The following NEGR1 variants were observed in gnomAD, a reference collection of about 807,000 sequenced individuals.
The protein encoded by NEGR1 is neuronal growth regulator 1.
Under a neutral mutation model 40.9 loss-of-function variants are expected in NEGR1, and 10 were observed. That is an observed-to-expected ratio of 0.24 (90% CI 0.15 to 0.42). The LOEUF is 0.42. Among genes scored for constraint, NEGR1 ranks in the 10% least tolerant of loss-of-function variants. The pLI, the probability that NEGR1 is intolerant of heterozygous loss-of-function variation, is 1.00. For missense variants in NEGR1, 352 were observed against 438.9 expected, an observed-to-expected ratio of 0.80 and a Z score of 1.77; for synonymous variants, 185 against 166.8, an observed-to-expected ratio of 1.11 and a Z score of -0.84.
At chr1:72,097,295 A>G (rs907133499) in intron 1 of NEGR1, among the ~76,000 whole-genome samples, 2 of 152,176 alleles carry the variant, frequency 1.3e-5, no homozygotes, top group Non-Finnish European at 2.9e-5. Context: ...GTTGTTGTGA[A>G]GATTAGTTGA....
chr1:71,726,587 G>A (rs1200157194), intron 3 of NEGR1, among the ~76,000 whole-genome samples: 3 of 152,038 alleles, frequency 2.0e-5, no homozygotes, highest in Non-Finnish European at 4.4e-5. Flanking sequence ...CTACGTGATT[G>A]TAAAGATAGA....
chr1:71,935,139 T>A lies in NEGR1; in HGVS notation c.349A>T (p.Thr117Ser). 6.2e-7 allele frequency: 1 copy of A among 1,613,844 alleles called. No homozygotes were observed. The highest frequency in any genetic ancestry group is 8.5e-7 in the Non-Finnish European group (1 of 1,179,816). The change falls in exon 2 of 7, where the codon ACG becomes TCG. Residue 117 changes from threonine to serine, a missense_variant. Physicochemically the swap from Thr to Ser is moderately conservative, Grantham distance 58 (BLOSUM62 1). Around this residue, in one of 5 missense-constraint regions of NEGR1, gnomAD observed 30 missense variants for 64.4 expected, o/e 0.47. Transcript: ENST00000357731. Reference protein sequence around the residue: ...NVDVTDDGPYTCSVQTQHTPR... With the variant: ...NVDVTDDGPYSCSVQTQHTPR... ...GTATGTTGAGTCTGAACAGAACACG[T>A]GTATGGGCCATCATCTGTCACATCT...
At chr1:72,139,625 C>T (rs936455494) in intron 1 of NEGR1, among the ~76,000 whole-genome samples, 1 of 151,924 alleles carries the variant, frequency 6.6e-6, no homozygotes, top group African/African-American at 2.4e-5. Flanking sequence ...TAACAAAGCA[C>T]ATACTGTAAA....
intron 2 of NEGR1, among the ~76,000 whole-genome samples, chr1:71,825,449 TTC>T (rs1658584889): frequency 6.6e-6 from 1 of 151,958 alleles, no homozygotes; most frequent in South Asian, 2.1e-4. Context: ...TAAAATATGA[TTC>T]TGATTCACAA....
intron 2 of NEGR1, among the ~76,000 whole-genome samples, chr1:71,805,826 A>G (rs562286682): frequency 3.7e-4 from 56 of 152,336 alleles, no homozygotes; most frequent in Non-Finnish European, 7.3e-4. Flanking sequence ...AGAAAAGCAA[A>G]CAGAAATTAA....
chr1:71,501,946 C>T (rs976130372), intron 6 of NEGR1, among the ~76,000 whole-genome samples: 1 of 151,854 alleles, frequency 6.6e-6, no homozygotes, highest in Non-Finnish European at 1.5e-5. Flanking sequence ...CTTTTTTGTC[C>T]AACTTTCTGA....
chr1:71,995,766 C>T (rs1408992648), intron 1 of NEGR1, among the ~76,000 whole-genome samples: 3 of 152,168 alleles, frequency 2.0e-5, no homozygotes, highest in Non-Finnish European at 2.9e-5. Flanking sequence ...AGGCAATCAA[C>T]ATTTTCTTTC....
intron 2 of NEGR1, among the ~76,000 whole-genome samples, chr1:71,869,314 A>C (rs574092657): frequency 1.3e-3 from 200 of 152,308 alleles, no homozygotes; most frequent in African/African-American, 4.4e-3. Flanking sequence ...AAACTGATAA[A>C]TATAGACAAA....
intron 1 of NEGR1, among the ~76,000 whole-genome samples, chr1:72,042,765 G>A (rs986275858): frequency 3.3e-5 from 5 of 151,956 alleles, no homozygotes; most frequent in Non-Finnish European, 7.4e-5. Flanking sequence ...AGATGTAGTA[G>A]GACACATTAG....
At chr1:72,088,729 G>C (rs1390565397) in intron 1 of NEGR1, among the ~76,000 whole-genome samples, 1 of 148,702 alleles carries the variant, frequency 6.7e-6, no homozygotes, top group Admixed American at 6.7e-5. Flanking sequence ...GATTTTGTTT[G>C]CTTTAAAAAA....
intron 1 of NEGR1, among the ~76,000 whole-genome samples, chr1:72,099,425 T>C (rs533854206): frequency 1.2e-4 from 19 of 152,140 alleles, no homozygotes; most frequent in African/African-American, 4.1e-4. Flanking sequence ...AGCTTCTGAT[T>C]TTTCTTCTTA....
At chr1:71,585,037 G>A (rs1430965044) in intron 6 of NEGR1, among the ~76,000 whole-genome samples, 3 of 151,990 alleles carry the variant, frequency 2.0e-5, no homozygotes, top group African/African-American at 7.2e-5. Flanking sequence ...GTGTAGAGAT[G>A]ACAAAATGAT....
intron 6 of NEGR1, among the ~76,000 whole-genome samples, chr1:71,493,294 T>G (rs1486984230): frequency 6.6e-6 from 1 of 152,120 alleles, no homozygotes; most frequent in East Asian, 1.9e-4. Flanking sequence ...TGCAACAATC[T>G]CTACAAATCA....
At chr1:72,187,222 A>AG (rs1179672310) in intron 1 of NEGR1, among the ~76,000 whole-genome samples, 1 of 151,424 alleles carries the variant, frequency 6.6e-6, no homozygotes, top group Non-Finnish European at 1.5e-5. Context: ...TTCCCTCTAT[A>AG]AAGCTCAGCC....
intron 2 of NEGR1, among the ~76,000 whole-genome samples, chr1:71,787,740 G>A (rs1656964640): frequency 6.6e-6 from 1 of 152,158 alleles, no homozygotes; most frequent in South Asian, 2.1e-4. Context: ...CTGCAGATTT[G>A]TGTGTGTACA....
At chr1:71,811,289 A>G (rs1657992565) in intron 2 of NEGR1, among the ~76,000 whole-genome samples, 1 of 152,102 alleles carries the variant, frequency 6.6e-6, no homozygotes, top group Non-Finnish European at 1.5e-5. Flanking sequence ...TCTTGAGGGA[A>G]TATTATCATA....
intron 1 of NEGR1, among the ~76,000 whole-genome samples, chr1:72,180,942 G>C (rs572762115): frequency 6.6e-6 from 1 of 152,044 alleles, no homozygotes; most frequent in South Asian, 2.1e-4. Context: ...CTGTTTCTTT[G>C]AGCAAAATGG....
chr1:71,775,223 T>C (rs1436523821), intron 3 of NEGR1, among the ~76,000 whole-genome samples: 2 of 152,338 alleles, frequency 1.3e-5, no homozygotes, highest in African/African-American at 4.8e-5. Context: ...CTTGTGACAT[T>C]TCCATTTGAG....
intron 1 of NEGR1, among the ~76,000 whole-genome samples, chr1:71,988,476 T>C (rs944984673): frequency 9.0e-5 from 13 of 143,970 alleles, no homozygotes; most frequent in African/African-American, 3.4e-4. Context: ...GAAGCGGAGC[T>C]TGCAGTGAGC....
Sources: allele counts gnomAD v4.1 joint callset (sites outside exome capture counted in the v4.1 genomes callset), GRCh38; gene constraint gnomAD v4.1.1; regional missense constraint gnomAD v4.1.1; transcripts MANE v1.5; gene names NCBI Gene and HGNC (gene_info 2026-07-23, HGNC 2026-07-21).